The following NCOR1 variants were observed in gnomAD, a reference collection of about 807,000 sequenced individuals.
The protein encoded by NCOR1 is nuclear receptor corepressor 1, also known as protein phosphatase 1, regulatory subunit 109.
Under a neutral mutation model 288.1 loss-of-function variants are expected in NCOR1, and 63 were observed. The observed-to-expected ratio is 0.22, with a 90% confidence interval of 0.18 to 0.27. NCOR1 has a LOEUF of 0.27. Among genes scored for constraint, NCOR1 ranks in the 10% least tolerant of loss-of-function variants. The probability of loss-of-function intolerance (pLI) is 1.00; values close to 1 mark genes in which losing one functional copy is unlikely to be tolerated. For missense variants in NCOR1, 2,397 were observed against 3,019.2 expected, an observed-to-expected ratio of 0.79 and a Z score of 4.83; for synonymous variants, 1,007 against 1,065.9, an observed-to-expected ratio of 0.94 and a Z score of 1.08.
At chr17:16,127,543 A>G (rs1403702234) in intron 14 of NCOR1, among the ~76,000 whole-genome samples, 3 of 138,940 alleles carry the variant, frequency 2.2e-5, no homozygotes, top group Admixed American at 7.0e-5. Flanking sequence ...ATCTGCATGT[A>G]TATATACACA....
chr17:16,197,350 T>C (rs995535323), intron 1 of NCOR1, among the ~76,000 whole-genome samples: 22 of 151,310 alleles, frequency 1.5e-4, no homozygotes, highest in African/African-American at 5.3e-4. Flanking sequence ...TTAAAAACTA[T>C]GTGGTACCAT....
intron 42 of NCOR1, chr17:16,044,438 T>C (rs1315786338): frequency 2.1e-6 from 1 of 471,828 alleles, no homozygotes; most frequent in South Asian, 1.5e-5. Context: ...TTCCTTTCTT[T>C]TGACAGGATC....
Position 16,101,312 on chromosome 17 carries a change from G to A in NCOR1, c.2628C>T (p.Asp876=), listed in dbSNP as rs1336250025. The change falls in exon 20 of 46, where the codon GAC becomes GAT. Residue 876 remains aspartate (D), a synonymous_variant. Transcript: ENST00000268712. ...CGCTGCACGTGGCACTGGAATCATT[G>A]TCTGACTGGGGCTCGGGCCTTTGGG... The part of the protein sequence containing the change: ...INAQRPEPQS[D]NDSSATCSAD... The A allele has an allele frequency of 6.2e-7, 1 of 1,613,746 alleles. No individual in the cohort carries two copies. The highest frequency in any genetic ancestry group is 2.2e-5 in the East Asian group (1 of 44,888).
At chr17:16,075,104 G>A (rs756775812) in intron 27 of NCOR1, among the ~76,000 whole-genome samples, 1 of 152,176 alleles carries the variant, frequency 6.6e-6, no homozygotes, top group Non-Finnish European at 1.5e-5. Context: ...TCCTGACCTT[G>A]TGATCCGCCT....
rs1403007083 is a variant in NCOR1, at chr17:16,044,820, G to A, written c.6679+2131C>T. 5 of 1,087,618 alleles carry A rather than the reference G, an allele frequency of 4.6e-6. No individual in the cohort carries two copies. In the Admixed American group the frequency reaches 8.7e-5, roughly 19 times the overall value. 67.4% of individuals were successfully genotyped at this position (1,087,618 alleles called of 1,614,324 possible). ...CTCATCTACAATGTAGGGGCTGGTG[G>A]ACCTGCTCCAGCAGCTGGTGCTGCA... On this transcript the variant is annotated intron_variant, in intron 42 of 45. Coordinates refer to ENST00000268712, the MANE Select transcript of NCOR1 (RefSeq NM_006311.4).
intron 3 of NCOR1, among the ~76,000 whole-genome samples, chr17:16,172,745 C>A (rs1270355339): frequency 1.3e-5 from 2 of 152,128 alleles, no homozygotes; most frequent in Non-Finnish European, 2.9e-5. Flanking sequence ...CAGAATCTTT[C>A]ATTTCTTTAC....
intron 1 of NCOR1, among the ~76,000 whole-genome samples, chr17:16,207,936 T>G (rs766386265): frequency 1.3e-4 from 20 of 151,516 alleles, no homozygotes; most frequent in Non-Finnish European, 2.4e-4. Flanking sequence ...TCCTGACTAA[T>G]CTACTTAATT....
intron 19 of NCOR1, among the ~76,000 whole-genome samples, chr17:16,107,345 A>G (rs1360490786): frequency 2.6e-5 from 4 of 152,160 alleles, no homozygotes; most frequent in South Asian, 4.1e-4. Context: ...AAATGAGATT[A>G]TAACAGTGGG....
At chr17:16,037,385 A>G (rs1485379893) in intron 44 of NCOR1, among the ~76,000 whole-genome samples, 2 of 152,176 alleles carry the variant, frequency 1.3e-5, no homozygotes, top group African/African-American at 4.8e-5. Context: ...GACTTGCTTG[A>G]CACAGGGTTG....
At chr17:16,163,238 C>A (rs900748578) in intron 5 of NCOR1, among the ~76,000 whole-genome samples, 1 of 152,174 alleles carries the variant, frequency 6.6e-6, no homozygotes, top group Non-Finnish European at 1.5e-5. Context: ...AAAGAACCCA[C>A]AGAATGAGAG....
rs181363173 is a variant in NCOR1 at position 16,206,938 on chromosome 17, T to C, written c.-71+8424A>G. On this transcript the variant is annotated intron_variant, in intron 1 of 45. Transcript: ENST00000268712. ...ATATAAAATAATGTATTACTTATAATTAGTGAAAGATAAGATTTTAAAATA... is the reference window on the plus strand; with the variant it reads ...ATATAAAATAATGTATTACTTATAACTAGTGAAAGATAAGATTTTAAAATA... Among the ~76,000 whole-genome samples the C allele has an allele frequency of 6.1e-3, 933 of 152,274 alleles. 7 individuals carry two copies. Among genetic ancestry groups the C allele is most frequent in the Non-Finnish European group, 8.9e-3 (602 of 68,012 alleles).
chr17:16,130,985 G>A (rs1188965991), intron 14 of NCOR1, among the ~76,000 whole-genome samples: 1 of 146,918 alleles, frequency 6.8e-6, no homozygotes, highest in African/African-American at 2.5e-5. Flanking sequence ...CACCGCACCT[G>A]GAATTTTTTT....
intron 21 of NCOR1, among the ~76,000 whole-genome samples, chr17:16,095,308 G>A (rs1294211168): frequency 6.6e-6 from 1 of 150,798 alleles, no homozygotes; most frequent in African/African-American, 2.4e-5. Flanking sequence ...CGTCTGAGAA[G>A]TGAGGAGACC....
At chr17:16,044,973 C>G (rs1018234953) in intron 42 of NCOR1, 4 of 520,346 alleles carry the variant, frequency 7.7e-6, no homozygotes, top group Non-Finnish European at 1.4e-5. Flanking sequence ...TTTCTTATAA[C>G]GTGTTCAATA....
In NCOR1 at chr17:16,071,321, A is replaced by G. The variant is rs752387331; in HGVS notation, c.4152+88T>C. On this transcript the variant is annotated intron_variant, in intron 30 of 45. Coordinates refer to ENST00000268712, the MANE Select transcript of NCOR1 (RefSeq NM_006311.4). ...GTTTACTTCCAGGAGGTCTGACATCATAAGAACCACTTATAATTATTAAGT... is the reference window on the plus strand; with the variant it reads ...GTTTACTTCCAGGAGGTCTGACATCGTAAGAACCACTTATAATTATTAAGT... 58 of 1,517,842 alleles carry G rather than the reference A, an allele frequency of 3.8e-5. 1 individual carries two copies. Among genetic ancestry groups the G allele is most frequent in the Middle Eastern group, 3.5e-4 (2 of 5,638 alleles). The allele number at this position is 1,517,842 out of a possible 1,614,324, so 94.0% of individuals were successfully genotyped here. A position where few individuals can be genotyped will look rare whatever the true frequency, so the allele number is the denominator to read the frequency against.
intron 1 of NCOR1, among the ~76,000 whole-genome samples, chr17:16,207,222 T>C (rs1175762260): frequency 2.6e-5 from 4 of 152,196 alleles, no homozygotes; most frequent in Non-Finnish European, 5.9e-5. Context: ...CTCAAAGTCA[T>C]GATGATGACT....
chr17:16,061,544 G>A lies in NCOR1; in HGVS notation c.5738C>T (p.Ser1913Phe), dbSNP rs2152596042. ...GGTCCTTAGCTCTTCCTCATATCTG[G>A]ATTTTGGAGGAGGCCCTTTATCTTT... The part of the protein sequence containing the change: ...AGKDKGPPPK[S>F]RYEEELRTRG... The change falls in exon 37 of 46, where the codon TCC (serine) becomes TTC (phenylalanine). Residue 1913 changes from serine (S) to phenylalanine (F), a missense_variant. Around this residue, in one of 11 missense-constraint regions of NCOR1, gnomAD observed 1,872 missense variants for 2,187.8 expected, o/e 0.86. Coordinates refer to ENST00000268712, the MANE Select transcript of NCOR1 (RefSeq NM_006311.4). 1 of 1,614,212 alleles carries A rather than the reference G, an allele frequency of 6.2e-7. No homozygotes were observed. Among genetic ancestry groups the A allele is most frequent in the Non-Finnish European group, 8.5e-7 (1 of 1,180,046 alleles).
chr17:16,049,120 T>C, intron 40 of NCOR1, 132 bp from the exon 41 acceptor site: 2 of 913,924 alleles, frequency 2.2e-6, no homozygotes, highest in East Asian at 2.8e-5. Context: ...AGAAAAAAAG[T>C]TGCCTCAGGT....
At chr17:16,211,002 A>G (rs1217073055) in intron 1 of NCOR1, among the ~76,000 whole-genome samples, 1 of 152,100 alleles carries the variant, frequency 6.6e-6, no homozygotes, top group Non-Finnish European at 1.5e-5. Flanking sequence ...AAGTGCTGAG[A>G]TTACAGGTGT....
Sources: allele counts gnomAD v4.1 joint callset (sites outside exome capture counted in the v4.1 genomes callset), GRCh38; gene constraint gnomAD v4.1.1; regional missense constraint gnomAD v4.1.1; transcripts MANE v1.5; gene names NCBI Gene and HGNC (gene_info 2026-07-23, HGNC 2026-07-21).